Variants in RIF1 observed in about 807,000 individuals in gnomAD.
The protein encoded by RIF1 is telomere-associated protein RIF1.
RIF1 carries 45 observed loss-of-function variants against 247.1 expected under a neutral mutation model. The ratio of observed to expected loss-of-function variants is 0.18; its 90% CI spans 0.14 to 0.23. RIF1 has a LOEUF of 0.23. Among genes scored for constraint, RIF1 ranks in the 10% least tolerant of loss-of-function variants. RIF1 has a pLI of 1.00. For missense variants in RIF1, 2,967 were observed against 2,862.5 expected, an observed-to-expected ratio of 1.04 and a Z score of -0.83; for synonymous variants, 1,087 against 978.8, an observed-to-expected ratio of 1.11 and a Z score of -2.06.
In RIF1 at chr2:151,505,670, T is replaced by A. The variant is rs2068240837; in HGVS notation, c.*862-540T>A. On this transcript the variant is annotated intron_variant and NMD_transcript_variant, in intron 12 of 13. Transcript: ENST00000454583. ...TTTTGTAGCCCCCAAATTAAAAAAA[T>A]TAACAGTGTAAATAACGCAGGCTTT... The A allele has an allele frequency of 1.7e-5, 17 of 982,504 alleles. 1 individual carries two copies. The South Asian group carries it at 2.0e-4, about 11-fold the overall frequency. The allele number at this position is 982,504 out of a possible 1,614,324, so 60.9% of individuals were successfully genotyped here. A position where few individuals can be genotyped will look rare whatever the true frequency, so the allele number is the denominator to read the frequency against.
intron 13 of RIF1, 80 bp from the exon 14 acceptor site, chr2:151,438,604 G>T: frequency 1.2e-6 from 1 of 860,674 alleles, no homozygotes; most frequent in Non-Finnish European, 2.0e-6. Context: ...TTAATGTAAG[G>T]AAGTAAAGGG....
Position 151,493,286 on chromosome 2 carries a change from G to A in RIF1, c.*416-1943G>A, listed in dbSNP as rs968732492. On this transcript the variant is annotated intron_variant and NMD_transcript_variant, in intron 9 of 13. Transcript: ENST00000454583. ...TTTTTCAGTTGAATGAGAAAGGCGTGTTTTTATGATGTTAAAATGTTATTT... is the reference window on the plus strand; with the variant it reads ...TTTTTCAGTTGAATGAGAAAGGCGTATTTTTATGATGTTAAAATGTTATTT... 8 of 1,235,794 alleles carry A rather than the reference G, an allele frequency of 6.5e-6. No homozygotes were observed. In the African/African-American group the frequency reaches 1.2e-4, roughly 19 times the overall value. 76.6% of individuals were successfully genotyped at this position (1,235,794 alleles called of 1,614,324 possible). A position where few individuals can be genotyped will look rare whatever the true frequency, so the allele number is the denominator to read the frequency against.
At chr2:151,472,122 C>CT (rs1302718789) in intron 34 of RIF1, among the ~76,000 whole-genome samples, 3 of 152,076 alleles carry the variant, frequency 2.0e-5, no homozygotes, top group South Asian at 2.1e-4. Flanking sequence ...ATTTTATTCT[C>CT]TTTGAAGCAA....
chr2:151,429,764 A>C (rs976991483), intron 9 of RIF1, among the ~76,000 whole-genome samples: 2 of 152,164 alleles, frequency 1.3e-5, no homozygotes, highest in African/African-American at 4.8e-5. Flanking sequence ...ATTTACTTTA[A>C]CCTTATCTTC....
chr2:151,500,877 G>C (rs2063957676), intron 11 of RIF1, among the ~76,000 whole-genome samples: 2 of 152,100 alleles, frequency 1.3e-5, no homozygotes, highest in South Asian at 4.1e-4. Context: ...GAGGTGACAG[G>C]TGTGAGCCAC....
At chr2:151,502,208 G>C (rs545107350) in intron 11 of RIF1, among the ~76,000 whole-genome samples, 15 of 151,754 alleles carry the variant, frequency 9.9e-5, no homozygotes, top group Non-Finnish European at 2.1e-4. Flanking sequence ...GTGAACTTTG[G>C]GGACTTGCAG....
At chr2:151,423,974 C>T (rs1163594082) in intron 8 of RIF1, among the ~76,000 whole-genome samples, 1 of 152,108 alleles carries the variant, frequency 6.6e-6, no homozygotes, top group Admixed American at 6.6e-5. Flanking sequence ...CCTCCTGCAC[C>T]CAGACATCAC....
chr2:151,497,944 G>A, intron 10 of RIF1: 1 of 1,444,190 alleles, frequency 6.9e-7, no homozygotes, highest in Non-Finnish European at 9.0e-7. Context: ...AGTTATCCAT[G>A]TTATTTTTTT....
chr2:151,437,133 T>G, intron 12 of RIF1, 108 bp from the exon 13 acceptor site: 1 of 1,232,086 alleles, frequency 8.1e-7, no homozygotes, highest in Non-Finnish European at 1.1e-6. Flanking sequence ...TGAATCTTTT[T>G]TTTATAGAAA....
At position 151,476,550 on chromosome 2, in the gene RIF1, C is replaced by T. The variant is rs989302523; in HGVS notation, c.*1479C>T. ...TTAATCCTTGTGCCTCCTTAGCTCT[C>T]GTATATTCAGGGATCTCTATAAAAG... is the stretch of plus-strand genomic sequence containing the variant. On this transcript the variant is annotated 3_prime_UTR_variant, in exon 36 of 36. Transcript: ENST00000444746. 3.3e-5 allele frequency: 5 copies of T among 152,080 alleles called. No individual in the cohort carries two copies. Among genetic ancestry groups the T allele is most frequent in the Non-Finnish European group, 2.9e-5 (2 of 68,002 alleles). The allele number at this position is 152,080 out of a possible 1,614,324, so 9.4% of individuals were successfully genotyped here. A position where few individuals can be genotyped will look rare whatever the true frequency, so the allele number is the denominator to read the frequency against.
In RIF1 at chr2:151,476,414, A is replaced by G. The variant is rs2048931013; in HGVS notation, c.*1343A>G. Reference sequence around the variant, plus strand: ...GTTTCATCTTTTTAACTGACAGTATATCTCACTTCTTCTTTGAATAGAATG... The same window carrying G: ...GTTTCATCTTTTTAACTGACAGTATGTCTCACTTCTTCTTTGAATAGAATG... On this transcript the variant is annotated 3_prime_UTR_variant, in exon 36 of 36. Transcript: ENST00000444746. The G allele has an allele frequency of 6.6e-6, 1 of 152,182 alleles. No homozygotes were observed. The highest frequency in any genetic ancestry group is 6.6e-5 in the Admixed American group (1 of 15,266). 9.4% of individuals were successfully genotyped at this position (152,182 alleles called of 1,614,324 possible).
the RIF1 span, chr2:151,518,487 CT>C: frequency 2.0e-6 from 2 of 1,020,452 alleles, no homozygotes; most frequent in Non-Finnish European, 3.1e-6. Context: ...TATTTTTCCT[CT>C]TTAGATTAGA....
chr2:151,437,634 T>C (rs1210632124), intron 13 of RIF1, among the ~76,000 whole-genome samples: 2 of 152,160 alleles, frequency 1.3e-5, no homozygotes, highest in Non-Finnish European at 2.9e-5. Flanking sequence ...GAAGTTGCAG[T>C]GAGCCAAGAT....
At chr2:151,418,230 A>G (rs952605971) in intron 6 of RIF1, among the ~76,000 whole-genome samples, 6 of 152,184 alleles carry the variant, frequency 3.9e-5, no homozygotes, top group African/African-American at 1.4e-4. Context: ...TTTTTGAGAC[A>G]GTCTCACTCT....
chr2:151,526,208 C>T, the RIF1 span: 1 of 1,613,916 alleles, frequency 6.2e-7, no homozygotes, highest in African/African-American at 1.3e-5. Flanking sequence ...TGAGGCGTGT[C>T]AGGTACGGCA....
chr2:151,485,612 A>G (rs1334442811), downstream of RIF1: 2 of 675,786 alleles, frequency 3.0e-6, no homozygotes, highest in Non-Finnish European at 4.7e-6. Flanking sequence ...TTAAAACCCA[A>G]AGGAGAAAGG....
At chr2:151,499,501 G>C (rs2062823010) in exon 11 of RIF1, 7 of 654,734 alleles carry the variant, frequency 1.1e-5, no homozygotes, top group Non-Finnish European at 2.7e-6. Flanking sequence ...AGAAAAGACA[G>C]ATTCAACAAG....
chr2:151,442,526 A>G (rs1243806997), intron 16 of RIF1, among the ~76,000 whole-genome samples: 1 of 151,976 alleles, frequency 6.6e-6, no homozygotes, highest in Non-Finnish European at 1.5e-5. Context: ...TGAAAAAACT[A>G]TTTTCCTGGA....
At chr2:151,526,367 T>G in the RIF1 span, 1 of 795,542 alleles carries the variant, frequency 1.3e-6, no homozygotes, top group East Asian at 2.7e-5. Context: ...AATACTAAAC[T>G]CAATAAAAGA....
Sources: allele counts gnomAD v4.1 joint callset (sites outside exome capture counted in the v4.1 genomes callset), GRCh38; gene constraint gnomAD v4.1.1; transcripts MANE v1.5; gene names NCBI Gene and HGNC (gene_info 2026-07-23, HGNC 2026-07-21).